Variants in VDR observed in about 807,000 individuals in gnomAD.
The protein encoded by VDR is vitamin D receptor, also known as vitamin D3 receptor.
VDR carries 19 observed loss-of-function variants against 39.7 expected under a neutral mutation model. The ratio of observed to expected loss-of-function variants is 0.48; its 90% CI spans 0.33 to 0.70. VDR has a LOEUF of 0.70. Among genes scored for constraint, VDR ranks in the 30% least tolerant of loss-of-function variants. The pLI, the probability that VDR is intolerant of heterozygous loss-of-function variation, is 0.02. For missense variants in VDR, 442 were observed against 570.5 expected, an observed-to-expected ratio of 0.77 and a Z score of 2.29; for synonymous variants, 242 against 215.8, an observed-to-expected ratio of 1.12 and a Z score of -1.07.
intron 4 of VDR, among the ~76,000 whole-genome samples, chr12:47,859,281 G>T (rs985767598): frequency 6.6e-6 from 1 of 152,222 alleles, no homozygotes; most frequent in Non-Finnish European, 1.5e-5. Context: ...ACTTTCCAGT[G>T]ATTCTGTGAT....
chr12:47,886,719 C>A (rs1419856237), intron 1 of VDR, among the ~76,000 whole-genome samples: 1 of 152,194 alleles, frequency 6.6e-6, no homozygotes, highest in East Asian at 1.9e-4. Flanking sequence ...GGCAACAGCA[C>A]CACCTAGTCC....
chr12:47,882,043 T>A (rs1369145376), intron 2 of VDR, among the ~76,000 whole-genome samples: 1 of 152,154 alleles, frequency 6.6e-6, no homozygotes, highest in Non-Finnish European at 1.5e-5. Flanking sequence ...AGTCAACACA[T>A]GTTCAGCATC....
intron 7 of VDR, among the ~76,000 whole-genome samples, chr12:47,851,095 T>G (rs1395599009): frequency 2.0e-5 from 3 of 152,260 alleles, no homozygotes; most frequent in African/African-American, 7.2e-5. Context: ...GGAAGCATGA[T>G]AACCCCCAGG....
intron 4 of VDR, among the ~76,000 whole-genome samples, chr12:47,860,324 C>T (rs1441718163): frequency 2.0e-5 from 3 of 152,168 alleles, no homozygotes; most frequent in Non-Finnish European, 4.4e-5. Context: ...GCTACCTGGC[C>T]GTGGTGTCTG....
intron 5 of VDR, 78 bp downstream of exon 5, chr12:47,857,426 C>T: frequency 1.2e-6 from 2 of 1,609,634 alleles, no homozygotes; most frequent in Non-Finnish European, 1.7e-6. Context: ...CCCCTGCCCT[C>T]TGTCCCTACT....
chr12:47,899,080 G>A (rs1946513797), intron 1 of VDR, among the ~76,000 whole-genome samples: 1 of 152,236 alleles, frequency 6.6e-6, no homozygotes, highest in East Asian at 1.9e-4. Context: ...AAGAATTGAA[G>A]AACCCAAGTT....
intron 1 of VDR, among the ~76,000 whole-genome samples, chr12:47,893,896 G>A (rs892482928): frequency 2.0e-5 from 3 of 152,176 alleles, no homozygotes; most frequent in African/African-American, 7.2e-5. Flanking sequence ...CATGACACAA[G>A]CCTTGCCTTA....
chr12:47,844,594 G>T lies in VDR; in HGVS notation c.*152C>A. The T allele has an allele frequency of 9.5e-7, 1 of 1,048,852 alleles. No individual in the cohort carries two copies. Among genetic ancestry groups the T allele is most frequent in the Non-Finnish European group, 1.4e-6 (1 of 717,460 alleles). The allele number at this position is 1,048,852 out of a possible 1,614,324, so 65.0% of individuals were successfully genotyped here. ...AGGAAAGGGGTTAGGTTGGACAGGA[G>T]AGAGAATGGGCTGGGTGGATAGGGG... On this transcript the variant is annotated 3_prime_UTR_variant, in exon 10 of 10. Coordinates refer to ENST00000549336, the MANE Select transcript of VDR (RefSeq NM_000376.3).
rs1945250140 is a variant in VDR at position 47,844,978 on chromosome 12, A to AGC, written c.1050_1051dup (p.Leu351ArgfsTer2). The AGC allele has an allele frequency of 6.2e-7, 1 of 1,613,348 alleles. No individual in the cohort carries two copies. Among genetic ancestry groups the AGC allele is most frequent in the African/African-American group, 1.3e-5 (1 of 74,876 alleles). Reference sequence around the variant, plus strand: ...CAGGCGGTCCTGGATGGCCTCAATCAGCGCGGCGTCCTGCACCCCAGGACG... The same window carrying AGC: ...CAGGCGGTCCTGGATGGCCTCAATCAGCGCGCGGCGTCCTGCACCCCAGGACG... On this transcript the variant is annotated frameshift_variant, in exon 10 of 10. Transcript: ENST00000549336. LOFTEE classifies it high-confidence loss of function.
intron 3 of VDR, among the ~76,000 whole-genome samples, chr12:47,868,243 C>T (rs954282342): frequency 6.6e-6 from 1 of 152,226 alleles, no homozygotes; most frequent in African/African-American, 2.4e-5. Context: ...AATGACCCAA[C>T]AGTCAAGGAA....
chr12:47,889,181 A>G (rs1946315736), intron 1 of VDR, among the ~76,000 whole-genome samples: 1 of 151,956 alleles, frequency 6.6e-6, no homozygotes, highest in African/African-American at 2.4e-5. Flanking sequence ...CTCTGAGGTA[A>G]TCAGAGAGGA....
intron 3 of VDR, among the ~76,000 whole-genome samples, chr12:47,869,730 A>G (rs897987292): frequency 1.3e-5 from 2 of 152,086 alleles, no homozygotes; most frequent in East Asian, 3.9e-4. Flanking sequence ...CCCTGTATCT[A>G]CAAAAGATTA....
rs537814408 is a variant in VDR, at chr12:47,854,295, AT to A, written c.755+1334del. ...TGCAACCACACCTGGCTAATTTATA[AT>A]TTTTTTTTTTTGTAGAGAAGAGGTC... On this transcript the variant is annotated intron_variant, in intron 7 of 9. Transcript: ENST00000549336. Among the ~76,000 whole-genome samples, 1,075 of 146,116 alleles carry A rather than the reference AT, an allele frequency of 7.4e-3. 17 individuals carry two copies. The highest frequency in any genetic ancestry group is 0.024 in the African/African-American group (969 of 40,070).
intron 3 of VDR, 70 bp downstream of exon 3, chr12:47,878,898 T>TC (rs774110166): frequency 1.2e-6 from 2 of 1,611,930 alleles, no homozygotes; most frequent in Non-Finnish European, 1.7e-6. Context: ...ATGCAAGGGC[T>TC]CCCTTCATGG....
intron 1 of VDR, chr12:47,900,041 A>G (rs755156781): frequency 1.8e-4 from 137 of 764,400 alleles, no homozygotes; most frequent in Non-Finnish European, 2.2e-4. Context: ...AGCACATAGT[A>G]GGTTTTCAAT....
At chr12:47,850,884 C>T (rs1945374166) in intron 7 of VDR, among the ~76,000 whole-genome samples, 1 of 152,098 alleles carries the variant, frequency 6.6e-6, no homozygotes, top group South Asian at 2.1e-4. Context: ...TCCCGCATTC[C>T]CACGGTACCT....
At chr12:47,882,531 A>G in intron 2 of VDR, 163 bp downstream of exon 2, 1 of 634,054 alleles carries the variant, frequency 1.6e-6, no homozygotes, top group South Asian at 1.9e-5. Context: ...CCACACACTC[A>G]TGCATCTCAG....
At chr12:47,860,431 C>A (rs1945605188) in intron 4 of VDR, among the ~76,000 whole-genome samples, 1 of 152,206 alleles carries the variant, frequency 6.6e-6, no homozygotes, top group Non-Finnish European at 1.5e-5. Flanking sequence ...AGTGAGTACT[C>A]TAGTGCTGCT....
At position 47,856,909 on chromosome 12, in the gene VDR, T is replaced by C. The variant is rs748684883; in HGVS notation, c.583+220A>G. ...GCCCGGGAGGCTGATGCTACACAGC[T>C]GGAATCCCAGCTTGGCCTCTTCCCC... On this transcript the variant is annotated intron_variant, in intron 6 of 9. Transcript: ENST00000549336. Among the ~76,000 whole-genome samples the C allele has an allele frequency of 9.2e-5, 14 of 152,340 alleles. No homozygotes were observed. The South Asian group carries it at 2.1e-3, about 23-fold the overall frequency.
Sources: gnomAD v4.1 joint callset for allele counts (sites outside exome capture counted in the v4.1 genomes callset) on GRCh38, gnomAD v4.1.1 for gene constraint, MANE v1.5 for transcripts, NCBI Gene and HGNC (gene_info 2026-07-23, HGNC 2026-07-21) for gene names.